TMED5: variants seen among roughly 807,000 people sequenced by gnomAD.
TMED5 encodes transmembrane p24 trafficking protein 5, also known as transmembrane emp24 domain-containing protein 5.
Under a neutral mutation model 23.0 loss-of-function variants are expected in TMED5, and 27 were observed. The ratio of observed to expected loss-of-function variants is 1.17; its 90% CI spans 0.86 to 1.62. TMED5 has a LOEUF of 1.62. Ranked by LOEUF, TMED5 falls within the 40% of genes most tolerant of loss-of-function variation. The pLI, the probability that TMED5 is intolerant of heterozygous loss-of-function variation, is 0.00. For missense variants in TMED5, 248 were observed against 273.7 expected, an observed-to-expected ratio of 0.91 and a Z score of 0.66; for synonymous variants, 97 against 100.8, an observed-to-expected ratio of 0.96 and a Z score of 0.23.
intron 3 of TMED5, among the ~76,000 whole-genome samples, chr1:93,155,769 T>C (rs1164345816): frequency 1.3e-5 from 2 of 152,180 alleles, no homozygotes; most frequent in African/African-American, 2.4e-5. Context: ...CCTGCTACCA[T>C]GCCTGGCAAA....
In TMED5 at chr1:93,180,198, G is replaced by C; in HGVS notation, c.45C>G (p.Ala15=). Reference sequence around the variant, plus strand: ...CAGGCAGCAGCACCGGAGGCAGAGCGGCCAGAAGGAGCACGGGGAAGGGCA... The same window carrying C: ...CAGGCAGCAGCACCGGAGGCAGAGCCGCCAGAAGGAGCACGGGGAAGGGCA... ...IWLPFPVLLL[A]ALPPVLLPGA... is the part of the protein sequence containing the mutation. The change falls in exon 1 of 4, where the codon GCC becomes GCG. Residue 15 remains alanine, a synonymous_variant. Coordinates refer to ENST00000370282, the MANE Select transcript of TMED5 (RefSeq NM_016040.5). 2 of 1,613,258 alleles carry C rather than the reference G, an allele frequency of 1.2e-6. No individual in the cohort carries two copies. Among genetic ancestry groups the C allele is most frequent in the Non-Finnish European group, 1.7e-6 (2 of 1,179,732 alleles).
chr1:93,162,321 G>A (rs1458798659), intron 1 of TMED5: 2 of 152,244 alleles, frequency 1.3e-5, no homozygotes, highest in East Asian at 1.9e-4. Flanking sequence ...TATAGGCTGG[G>A]TGCGGTGGCT....
At chr1:93,162,630 A>G (rs1648323526) in intron 1 of TMED5, 2 of 152,210 alleles carry the variant, frequency 1.3e-5, no homozygotes, top group Non-Finnish European at 2.9e-5. Context: ...ACAAAGAAGA[A>G]AAATTCCTGT....
At position 93,154,278 on chromosome 1, in the gene TMED5, T is replaced by C. The variant is rs1647978888; in HGVS notation, c.*392A>G. ...ACTTAAAACTGAAAACTTCCACAGT[T>C]AATTTGTAACTGCCGCATTTACAAA... On this transcript the variant is annotated 3_prime_UTR_variant, in exon 4 of 4. Transcript: ENST00000370282. The C allele has an allele frequency of 6.0e-6, 1 of 166,936 alleles. No individual in the cohort carries two copies. Among genetic ancestry groups the C allele is most frequent in the South Asian group, 1.7e-4 (1 of 5,780 alleles). 10.3% of individuals were successfully genotyped at this position (166,936 alleles called of 1,614,324 possible).
intron 1 of TMED5, among the ~76,000 whole-genome samples, chr1:93,170,734 G>C (rs1007888560): frequency 6.6e-6 from 1 of 152,178 alleles, no homozygotes; most frequent in African/African-American, 2.4e-5. Context: ...TCTAGCTAAG[G>C]GATTTTAAAT....
intron 1 of TMED5, among the ~76,000 whole-genome samples, chr1:93,170,466 A>T (rs1253863388): frequency 6.6e-6 from 1 of 152,162 alleles, no homozygotes; most frequent in African/African-American, 2.4e-5. Context: ...CCCGCGGGGC[A>T]GGGCTTGGGA....
intron 1 of TMED5, 195 bp from the exon 2 acceptor site, chr1:93,160,421 C>T (rs938481906): frequency 2.3e-6 from 1 of 434,836 alleles, no homozygotes; most frequent in Admixed American, 3.6e-5. Flanking sequence ...CCCTTCCTTA[C>T]CCATTTCTCT....
chr1:93,178,667 A>C (rs537468447), intron 1 of TMED5, among the ~76,000 whole-genome samples: 1 of 152,178 alleles, frequency 6.6e-6, no homozygotes, highest in East Asian at 1.9e-4. Flanking sequence ...ACTTTACTGG[A>C]AATCAAGAAA....
At chr1:93,176,304 A>G (rs769100613) in intron 1 of TMED5, among the ~76,000 whole-genome samples, 6 of 151,932 alleles carry the variant, frequency 3.9e-5, no homozygotes, top group Non-Finnish European at 7.4e-5. Context: ...CACTCATTCC[A>G]TTATGCCTAG....
At chr1:93,165,052 C>CTTCT (rs1484626760) in intron 1 of TMED5, among the ~76,000 whole-genome samples, 1 of 152,190 alleles carries the variant, frequency 6.6e-6, no homozygotes, top group African/African-American at 2.4e-5. Flanking sequence ...TTGTAGGGAA[C>CTTCT]AGAAGCCTAA....
chr1:93,165,476 G>A (rs1305802046), intron 1 of TMED5, among the ~76,000 whole-genome samples: 1 of 152,214 alleles, frequency 6.6e-6, no homozygotes, highest in Non-Finnish European at 1.5e-5. Context: ...GGAATACTCA[G>A]TTATAATGTA....
chr1:93,156,050 A>G, intron 3 of TMED5: 2 of 1,472,346 alleles, frequency 1.4e-6, no homozygotes, highest in Non-Finnish European at 1.8e-6. Flanking sequence ...ATGCAGTCTT[A>G]TTTGCACATC....
At chr1:93,170,829 C>T (rs992809352) in intron 1 of TMED5, among the ~76,000 whole-genome samples, 1 of 152,188 alleles carries the variant, frequency 6.6e-6, no homozygotes, top group Non-Finnish European at 1.5e-5. Context: ...TAGTGGAAAA[C>T]TTTTGTTGTC....
chr1:93,179,382 AAAAC>A (rs1423627726), intron 1 of TMED5, among the ~76,000 whole-genome samples: 1 of 152,102 alleles, frequency 6.6e-6, no homozygotes, highest in Non-Finnish European at 1.5e-5. Context: ...AAAAAAAAAA[AAAAC>A]AATGACACGA....
intron 1 of TMED5, among the ~76,000 whole-genome samples, chr1:93,176,841 C>T (rs2101172572): frequency 6.6e-6 from 1 of 152,318 alleles, no homozygotes; most frequent in South Asian, 2.1e-4. Context: ...GATATTTTCA[C>T]TCACCATTGT....
At chr1:93,166,768 G>A (rs1278813933) in intron 1 of TMED5, among the ~76,000 whole-genome samples, 2 of 152,158 alleles carry the variant, frequency 1.3e-5, no homozygotes, top group African/African-American at 4.8e-5. Flanking sequence ...TTAGCTTGAT[G>A]TGATCTCATT....
Position 93,152,017 on chromosome 1 carries a change from TAAAG to T in TMED5, c.*2649_*2652del, listed in dbSNP as rs1449173224. ...AATCAATGTCTTTTAAAATTTCAGATAAAGAATTTTCATTTGAGGAGACATACAA... is the reference window on the plus strand; with the variant it reads ...AATCAATGTCTTTTAAAATTTCAGATAATTTTCATTTGAGGAGACATACAA... On this transcript the variant is annotated 3_prime_UTR_variant, in exon 4 of 4. Coordinates refer to ENST00000370282, the MANE Select transcript of TMED5 (RefSeq NM_016040.5). The T allele has an allele frequency of 6.6e-6, 1 of 152,622 alleles. No homozygotes were observed. Among genetic ancestry groups the T allele is most frequent in the African/African-American group, 2.4e-5 (1 of 41,456 alleles). The allele number at this position is 152,622 out of a possible 1,614,324, so 9.5% of individuals were successfully genotyped here. A position where few individuals can be genotyped will look rare whatever the true frequency, so the allele number is the denominator to read the frequency against.
rs1054573947 is a variant in TMED5, at chr1:93,180,358, AG to A, written c.-117del. On this transcript the variant is annotated 5_prime_UTR_variant, in exon 1 of 4. Coordinates refer to ENST00000370282, the MANE Select transcript of TMED5 (RefSeq NM_016040.5). ...GAAATCTGGAGTCTGAAGAAACTCC[AG>A]GTGGCGGCCGCGGCGGCGGCGAACA... The A allele has an allele frequency of 7.4e-7, 1 of 1,350,596 alleles. No homozygotes were observed. Among genetic ancestry groups the A allele is most frequent in the African/African-American group, 1.5e-5 (1 of 66,046 alleles). 83.7% of individuals were successfully genotyped at this position (1,350,596 alleles called of 1,614,324 possible). A position where few individuals can be genotyped will look rare whatever the true frequency, so the allele number is the denominator to read the frequency against.
At chr1:93,165,223 G>C (rs2101144212) in intron 1 of TMED5, among the ~76,000 whole-genome samples, 1 of 152,310 alleles carries the variant, frequency 6.6e-6, no homozygotes, top group Non-Finnish European at 1.5e-5. Context: ...ACTAAAGCTA[G>C]TAAATATTTT....
Sources: gnomAD v4.1 joint callset for allele counts (sites outside exome capture counted in the v4.1 genomes callset) on GRCh38, gnomAD v4.1.1 for gene constraint, MANE v1.5 for transcripts, NCBI Gene and HGNC (gene_info 2026-07-23, HGNC 2026-07-21) for gene names.